PNPT1: variants seen among roughly 807,000 people sequenced by gnomAD.
PNPT1 encodes the protein polyribonucleotide nucleotidyltransferase 1, also known as polyribonucleotide nucleotidyltransferase 1, mitochondrial.
A neutral mutation model predicts 119.5 loss-of-function variants in PNPT1; 53 were observed. The observed-to-expected ratio is 0.44, with a 90% CI of 0.36 to 0.56. PNPT1 has a LOEUF of 0.56. Ranked by LOEUF, PNPT1 falls within the 20% of genes least tolerant of loss-of-function variation. The probability of loss-of-function intolerance (pLI) is 0.00; values close to 1 mark genes in which losing one functional copy is unlikely to be tolerated. For missense variants in PNPT1, 948 were observed against 938.5 expected (o/e 1.01, Z -0.13); for synonymous variants, 357 against 322.1 (o/e 1.11, Z -1.16).
Position 55,687,719 on chromosome 2 carries a change from A to AAAATACAATACAATAC in PNPT1, c.162-15_162-14insGTATTGTATTGTATTT, listed in dbSNP as rs1697458253. 6.3e-7 allele frequency: 1 copy of AAAATACAATACAATAC among 1,581,544 alleles called. No homozygotes were observed. Among genetic ancestry groups the AAAATACAATACAATAC allele is most frequent in the Non-Finnish European group, 8.6e-7 (1 of 1,161,318 alleles). On this transcript the variant is annotated splice_polypyrimidine_tract_variant and intron_variant, in intron 1 of 27. Transcript: ENST00000447944. Reference sequence around the variant, plus strand: ...ATTTCTAATTTCCTGTTTAAAAATAAAAATGCAATACAAGAAGACTTAGGT... The same window carrying AAAATACAATACAATAC: ...ATTTCTAATTTCCTGTTTAAAAATAAAAATACAATACAATACAAATGCAATACAAGAAGACTTAGGT...
intron 1 of PNPT1, among the ~76,000 whole-genome samples, chr2:55,691,172 A>C (rs933821807): frequency 6.6e-6 from 1 of 152,222 alleles, no homozygotes; most frequent in African/African-American, 2.4e-5. Context: ...CTACTCTACT[A>C]ACGGGGCTAC....
chr2:55,688,146 C>T (rs898395663), intron 1 of PNPT1, among the ~76,000 whole-genome samples: 6 of 151,848 alleles, frequency 4.0e-5, no homozygotes, highest in Non-Finnish European at 8.8e-5. Context: ...TAGGCTCAAG[C>T]GATCCTCCAA....
chr2:55,671,286 CA>C (rs1225466639), intron 11 of PNPT1, 32 bp downstream of exon 11: 10 of 1,316,658 alleles, frequency 7.6e-6, no homozygotes, highest in South Asian at 1.5e-5. Flanking sequence ...CTGCCCTCAG[CA>C]AAAAAATAAA....
At chr2:55,653,097 C>T (rs1031073067) in intron 18 of PNPT1, among the ~76,000 whole-genome samples, 2 of 152,240 alleles carry the variant, frequency 1.3e-5, no homozygotes, top group Non-Finnish European at 2.9e-5. Context: ...ATCCACCCAC[C>T]TCAGGCTCCC....
chr2:55,643,477 G>T lies in PNPT1; in HGVS notation c.1907-52C>A, dbSNP rs751986122. On this transcript the variant is annotated intron_variant, in intron 23 of 27. Coordinates refer to ENST00000447944, the MANE Select transcript of PNPT1 (RefSeq NM_033109.5). ...AAAGTTAACTTGGCTGGGCATAGTG[G>T]GTCACATCTGTAATCCCAGCACTCT... The T allele has an allele frequency of 5.4e-6, 8 of 1,485,274 alleles. No individual in the cohort carries two copies. The Admixed American group carries it at 1.0e-4, about 19-fold the overall frequency. 92.0% of individuals were successfully genotyped at this position (1,485,274 alleles called of 1,614,324 possible).
intron 17 of PNPT1, among the ~76,000 whole-genome samples, chr2:55,655,609 C>A (rs574445928): frequency 6.6e-6 from 1 of 152,180 alleles, no homozygotes; most frequent in Non-Finnish European, 1.5e-5. Context: ...TCTGAGTTTA[C>A]CTTGGTATTT....
intron 8 of PNPT1, among the ~76,000 whole-genome samples, chr2:55,676,632 C>T (rs1203383821): frequency 2.6e-5 from 4 of 152,150 alleles, no homozygotes; most frequent in Non-Finnish European, 5.9e-5. Flanking sequence ...GAGGCTGAGG[C>T]AGGTGGATCA....
intron 11 of PNPT1, among the ~76,000 whole-genome samples, chr2:55,668,932 T>A (rs1483204318): frequency 6.6e-6 from 1 of 152,240 alleles, no homozygotes; most frequent in Non-Finnish European, 1.5e-5. Context: ...ACACCCTCAC[T>A]CTTTTGCCTT....
At chr2:55,648,501 C>G (rs901875520) in intron 18 of PNPT1, among the ~76,000 whole-genome samples, 1 of 151,990 alleles carries the variant, frequency 6.6e-6, no homozygotes, top group African/African-American at 2.4e-5. Flanking sequence ...TAATTCTTGT[C>G]AAATCTTTTG....
chr2:55,678,089 G>C (rs901861861), intron 8 of PNPT1, among the ~76,000 whole-genome samples: 2 of 152,112 alleles, frequency 1.3e-5, no homozygotes, highest in Non-Finnish European at 2.9e-5. Context: ...ATGCTTATTA[G>C]GTAACATGCT....
intron 13 of PNPT1, among the ~76,000 whole-genome samples, chr2:55,665,628 C>T (rs1481145056): frequency 6.6e-6 from 1 of 152,198 alleles, no homozygotes; most frequent in Non-Finnish European, 1.5e-5. Context: ...CACCACACTG[C>T]ACAACTCTAG....
At chr2:55,646,070 T>G (rs891234990) in intron 21 of PNPT1, among the ~76,000 whole-genome samples, 189 bp downstream of exon 21, 7 of 152,072 alleles carry the variant, frequency 4.6e-5, no homozygotes, top group Non-Finnish European at 7.4e-5. Context: ...TGAAGTGATC[T>G]GCCTGCCTCG....
At position 55,672,011 on chromosome 2, in the gene PNPT1, T is replaced by G. The variant is rs1696930966; in HGVS notation, c.902A>C (p.Asp301Ala). The G allele has an allele frequency of 5.6e-6, 9 of 1,602,586 alleles. No homozygotes were observed. The highest frequency in any genetic ancestry group is 7.7e-6 in the Non-Finnish European group (9 of 1,174,942). ...TATACCTACTTTGTCATGCTCGTAA[T>G]CTGTAAAAACTGCATAGAGTCTCTC... The part of the protein sequence containing the change: ...AMERLYAVFT[D>A]YEHDKVSRDE... The change falls in exon 10 of 28, where the codon GAT becomes GCT. Residue 301 changes from aspartate to alanine, a missense_variant. By Grantham distance (126) the Asp-to-Ala change is moderately radical. Coordinates refer to ENST00000447944, the MANE Select transcript of PNPT1 (RefSeq NM_033109.5).
chr2:55,647,519 T>A, intron 18 of PNPT1, 66 bp from the exon 19 acceptor site: 6 of 1,229,482 alleles, frequency 4.9e-6, no homozygotes, highest in Non-Finnish European at 6.8e-6. Context: ...TATTTATCTA[T>A]CAATTTTTTT....
chr2:55,688,171 T>C (rs951743822), intron 1 of PNPT1, among the ~76,000 whole-genome samples: 1 of 151,852 alleles, frequency 6.6e-6, no homozygotes. Flanking sequence ...GCTTCCTGAG[T>C]AGTTGGGACT....
intron 18 of PNPT1, among the ~76,000 whole-genome samples, chr2:55,652,437 T>A (rs549189556): frequency 2.6e-5 from 4 of 152,250 alleles, no homozygotes; most frequent in Non-Finnish European, 5.9e-5. Context: ...TTTTTTATCC[T>A]GCTCAATTTT....
chr2:55,667,685 C>G (rs1696778367), intron 12 of PNPT1, among the ~76,000 whole-genome samples, 177 bp downstream of exon 12: 1 of 152,042 alleles, frequency 6.6e-6, no homozygotes, highest in South Asian at 2.1e-4. Flanking sequence ...AGGCCCAAGA[C>G]AGATGGTCAC....
chr2:55,670,267 A>G (rs936679867), intron 11 of PNPT1, among the ~76,000 whole-genome samples: 1 of 151,616 alleles, frequency 6.6e-6, no homozygotes, highest in Admixed American at 6.6e-5. Context: ...ACTCGCTGCA[A>G]GCTCCACCTC....
intron 1 of PNPT1, among the ~76,000 whole-genome samples, chr2:55,691,297 G>A (rs1294144610): frequency 5.9e-5 from 9 of 152,104 alleles, no homozygotes; most frequent in Non-Finnish European, 1.5e-5. Context: ...CTGCCTCCAA[G>A]GTTACTGTAA....
Sources: allele counts gnomAD v4.1 joint callset (sites outside exome capture counted in the v4.1 genomes callset), GRCh38; gene constraint gnomAD v4.1.1; transcripts MANE v1.5; gene names NCBI Gene and HGNC (gene_info 2026-07-23, HGNC 2026-07-21).